Variants in LDLRAD4 observed in about 807,000 individuals in gnomAD.
LDLRAD4 encodes the protein low-density lipoprotein receptor class A domain-containing protein 4.
A neutral mutation model predicts 17.0 loss-of-function variants in LDLRAD4; 5 were observed. The ratio of observed to expected loss-of-function variants is 0.29; its 90% CI spans 0.15 to 0.62. The LOEUF (loss-of-function observed/expected upper bound fraction) is 0.62, where lower values mean the gene tolerates loss of function less well. Ranked by LOEUF, LDLRAD4 falls within the 20% of genes least tolerant of loss-of-function variation. The probability of loss-of-function intolerance (pLI) is 0.84; values close to 1 mark genes in which losing one functional copy is unlikely to be tolerated. For synonymous variants in LDLRAD4, 168 were observed against 171.8 expected (o/e 0.98, Z 0.17); for missense variants, 340 against 424.7 (o/e 0.80, Z 1.75).
chr18:13,579,949 C>T (rs2094833139), intron 3 of LDLRAD4, among the ~76,000 whole-genome samples: 1 of 152,170 alleles, frequency 6.6e-6, no homozygotes, highest in Non-Finnish European at 1.5e-5. Context: ...GAGCCAGGGC[C>T]CCTGAGTCTC....
upstream of LDLRAD4, among the ~76,000 whole-genome samples, chr18:13,276,232 A>G (rs561607895): frequency 3.9e-5 from 6 of 152,240 alleles, no homozygotes; most frequent in South Asian, 4.2e-4. Flanking sequence ...CTGGTCTTGA[A>G]TTCCTGGCAT....
At chr18:13,575,208 CT>C (rs1412333522) in intron 3 of LDLRAD4, among the ~76,000 whole-genome samples, 2 of 152,164 alleles carry the variant, frequency 1.3e-5, no homozygotes, top group African/African-American at 4.8e-5. Flanking sequence ...AATATGTAGT[CT>C]TTTATCCCTC....
At chr18:13,570,127 G>T (rs1198949573) in intron 3 of LDLRAD4, among the ~76,000 whole-genome samples, 1 of 152,168 alleles carries the variant, frequency 6.6e-6, no homozygotes, top group Non-Finnish European at 1.5e-5. Flanking sequence ...TCTAAGCAAA[G>T]CAAAGATAAA....
At chr18:13,239,795 C>T (rs1368205346) in intron 1 of LDLRAD4, 8 of 152,282 alleles carry the variant, frequency 5.3e-5, no homozygotes, top group Non-Finnish European at 1.0e-4. Flanking sequence ...AGCTGTGGCC[C>T]GTGGGGTTTG....
intron 3 of LDLRAD4, among the ~76,000 whole-genome samples, chr18:13,446,330 C>T (rs1413138023): frequency 6.6e-6 from 1 of 152,140 alleles, no homozygotes; most frequent in African/African-American, 2.4e-5. Flanking sequence ...GGTATTTTTC[C>T]AGTAAGATAG....
chr18:13,648,771 C>T (rs2043117083), exon 6 of LDLRAD4: 1 of 152,152 alleles, frequency 6.6e-6, no homozygotes, highest in African/African-American at 2.4e-5. Flanking sequence ...AATGAACACT[C>T]CTGGGCATAC....
chr18:13,577,961 G>T (rs2094799363), intron 3 of LDLRAD4, among the ~76,000 whole-genome samples: 1 of 152,156 alleles, frequency 6.6e-6, no homozygotes, highest in Admixed American at 6.5e-5. Flanking sequence ...TTAAAAAGAG[G>T]CTGTGCTTAC....
At chr18:13,586,455 A>T (rs2094936490) in intron 3 of LDLRAD4, among the ~76,000 whole-genome samples, 1 of 145,868 alleles carries the variant, frequency 6.9e-6, no homozygotes, top group Non-Finnish European at 1.5e-5. Context: ...GAGGGCTCTG[A>T]GTCACAGCTA....
chr18:13,375,314 T>A (rs1183622205), intron 1 of LDLRAD4, among the ~76,000 whole-genome samples: 1 of 152,240 alleles, frequency 6.6e-6, no homozygotes, highest in Non-Finnish European at 1.5e-5. Flanking sequence ...AAGCCATTTT[T>A]AGGTGTTGGT....
At chr18:13,541,601 T>C (rs1407007883) in intron 3 of LDLRAD4, among the ~76,000 whole-genome samples, 2 of 152,212 alleles carry the variant, frequency 1.3e-5, no homozygotes, top group East Asian at 3.9e-4. Context: ...TTCTGCACTC[T>C]GCACGTTTCT....
At chr18:13,459,085 C>G (rs1348671094) in intron 3 of LDLRAD4, among the ~76,000 whole-genome samples, 1 of 139,812 alleles carries the variant, frequency 7.2e-6, no homozygotes, top group African/African-American at 2.6e-5. Context: ...TTTGGAAGGC[C>G]GAGGTGGGAG....
At chr18:13,528,985 C>T (rs542648390) in intron 3 of LDLRAD4, among the ~76,000 whole-genome samples, 53 of 152,368 alleles carry the variant, frequency 3.5e-4, no homozygotes, top group African/African-American at 1.2e-3. Context: ...GGCCGTGGTT[C>T]TAGCTTCCCA....
chr18:13,504,718 C>G (rs2093663669), intron 3 of LDLRAD4, among the ~76,000 whole-genome samples: 2 of 152,144 alleles, frequency 1.3e-5, no homozygotes, highest in South Asian at 4.1e-4. Flanking sequence ...ATGAAAGAAC[C>G]ACCCCACTTG....
chr18:13,258,339 C>T (rs2145909780), intron 1 of LDLRAD4, among the ~76,000 whole-genome samples: 1 of 151,816 alleles, frequency 6.6e-6, no homozygotes, highest in East Asian at 1.9e-4. Flanking sequence ...CCTAGTTTGT[C>T]TTAATGAGTT....
chr18:13,251,204 A>G (rs2043208100), intron 1 of LDLRAD4, among the ~76,000 whole-genome samples: 1 of 152,206 alleles, frequency 6.6e-6, no homozygotes, highest in Non-Finnish European at 1.5e-5. Flanking sequence ...CTCCCAATAA[A>G]CTAGGTATAG....
chr18:13,349,294 A>G (rs1033610907), intron 1 of LDLRAD4, among the ~76,000 whole-genome samples: 3 of 152,160 alleles, frequency 2.0e-5, no homozygotes, highest in African/African-American at 7.2e-5. Context: ...TCCATCTCCT[A>G]CTATGTATTA....
At chr18:13,233,780 C>A (rs757538225) in intron 1 of LDLRAD4, among the ~76,000 whole-genome samples, 50 of 152,184 alleles carry the variant, frequency 3.3e-4, no homozygotes, top group Non-Finnish European at 5.9e-4. Flanking sequence ...CGGCCCAGAA[C>A]TCCAAACCCT....
intron 1 of LDLRAD4, among the ~76,000 whole-genome samples, chr18:13,348,666 A>G (rs1394352533): frequency 6.6e-6 from 1 of 152,148 alleles, no homozygotes; most frequent in Non-Finnish European, 1.5e-5. Context: ...CCCTGCCCCC[A>G]GAGGTGGAGT....
At chr18:13,306,351 C>T (rs771007526) in intron 1 of LDLRAD4, among the ~76,000 whole-genome samples, 4 of 152,164 alleles carry the variant, frequency 2.6e-5, no homozygotes, top group Non-Finnish European at 5.9e-5. Flanking sequence ...TGGATTAGTT[C>T]CATCAGTGTT....
Sources: gnomAD v4.1 joint callset for allele counts (sites outside exome capture counted in the v4.1 genomes callset) on GRCh38, gnomAD v4.1.1 for gene constraint, MANE v1.5 for transcripts, NCBI Gene and HGNC (gene_info 2026-07-23, HGNC 2026-07-21) for gene names.